The following LRRC7 variants were observed in gnomAD, a reference collection of about 807,000 sequenced individuals.
LRRC7 encodes leucine rich repeat containing 7.
A neutral mutation model predicts 175.7 loss-of-function variants in LRRC7; 23 were observed. The ratio of observed to expected loss-of-function variants is 0.13; its 90% CI spans 0.09 to 0.19. The LOEUF is 0.19. Ranked by LOEUF, LRRC7 falls within the 10% of genes least tolerant of loss-of-function variation. The pLI is 1.00. For missense variants in LRRC7, 1,354 were observed against 1,904.7 expected (o/e 0.71, Z 5.38); for synonymous variants, 685 against 680.9 (o/e 1.01, Z -0.09).
At chr1:69,861,695 G>A (rs543203967) in intron 7 of LRRC7, among the ~76,000 whole-genome samples, 1 of 152,308 alleles carries the variant, frequency 6.6e-6, no homozygotes, top group Non-Finnish European at 1.5e-5. Flanking sequence ...TGAAACAGCA[G>A]GATTCAGGTG....
At chr1:69,652,222 A>G (rs10889846) in intron 1 of LRRC7, among the ~76,000 whole-genome samples, 15,913 of 142,056 alleles carry the variant, frequency 0.11, 1,003 homozygotes, top group African/African-American at 0.19. Context: ...CTCTGTTCAC[A>G]GATGACATGA....
At chr1:69,892,821 A>C (rs1645875995) in intron 7 of LRRC7, among the ~76,000 whole-genome samples, 1 of 152,146 alleles carries the variant, frequency 6.6e-6, no homozygotes, top group Non-Finnish European at 1.5e-5. Flanking sequence ...AGTGGCAGAA[A>C]CCAGATTCAA....
intron 4 of LRRC7, among the ~76,000 whole-genome samples, chr1:69,817,021 A>T (rs1014886894): frequency 6.6e-6 from 1 of 152,088 alleles, no homozygotes; most frequent in Admixed American, 6.6e-5. Context: ...CATATATACT[A>T]TGTGCATATA....
rs755370262 is a variant in LRRC7 at position 69,994,680 on chromosome 1, C to G, written c.1004+47C>G. 6 of 1,289,560 alleles carry G rather than the reference C, an allele frequency of 4.7e-6. No individual in the cohort carries two copies. The South Asian group carries it at 6.0e-5, about 13-fold the overall frequency. 79.9% of individuals were successfully genotyped at this position (1,289,560 alleles called of 1,614,324 possible). ...CAGTCTGCCTCTCAAAAGCCAGAAA[C>G]TAAAGGATATATTGAGTTTTCTAAT... On this transcript the variant is annotated intron_variant, in intron 11 of 26. Coordinates refer to ENST00000651989, the MANE Select transcript of LRRC7 (RefSeq NM_001370785.2).
intron 4 of LRRC7, among the ~76,000 whole-genome samples, chr1:69,813,021 A>G (rs1678134330): frequency 1.3e-5 from 2 of 152,088 alleles, no homozygotes; most frequent in Non-Finnish European, 2.9e-5. Flanking sequence ...CAATTGATGA[A>G]TCCATAACCC....
chr1:69,571,031 G>A (rs1645719259), intron 1 of LRRC7, among the ~76,000 whole-genome samples: 1 of 152,092 alleles, frequency 6.6e-6, no homozygotes, highest in Admixed American at 6.6e-5. Flanking sequence ...GTTTTTAAAA[G>A]GTGGTTTATT....
intron 4 of LRRC7, among the ~76,000 whole-genome samples, chr1:69,809,811 C>T (rs1033813848): frequency 1.3e-5 from 2 of 151,552 alleles, no homozygotes; most frequent in Admixed American, 1.3e-4. Flanking sequence ...AACCCACAGC[C>T]ATTATACTGA....
chr1:69,573,976 G>A (rs1645841696), intron 1 of LRRC7, among the ~76,000 whole-genome samples: 2 of 152,052 alleles, frequency 1.3e-5, no homozygotes, highest in Non-Finnish European at 2.9e-5. Flanking sequence ...AGTTGTGCCA[G>A]GATATTTTTG....
intron 1 of LRRC7, among the ~76,000 whole-genome samples, chr1:69,610,855 G>A (rs916489982): frequency 6.6e-6 from 1 of 151,922 alleles, no homozygotes; most frequent in Non-Finnish European, 1.5e-5. Context: ...TCTGCAGACT[G>A]AGAATTACAT....
intron 7 of LRRC7, among the ~76,000 whole-genome samples, chr1:69,849,329 G>T (rs933058771): frequency 6.6e-5 from 10 of 151,830 alleles, no homozygotes; most frequent in Non-Finnish European, 1.5e-4. Flanking sequence ...GAATTATTTT[G>T]TATTTTAATT....
intron 4 of LRRC7, among the ~76,000 whole-genome samples, chr1:69,802,423 A>G (rs1676626747): frequency 6.6e-6 from 1 of 151,454 alleles, no homozygotes; most frequent in Non-Finnish European, 1.5e-5. Flanking sequence ...TATTTTTAGA[A>G]TTATTACATC....
At chr1:70,070,342 AT>A (rs898325123) in intron 23 of LRRC7, among the ~76,000 whole-genome samples, 13 of 152,018 alleles carry the variant, frequency 8.6e-5, no homozygotes, top group African/African-American at 2.9e-4. Flanking sequence ...CTAGTTTTTC[AT>A]TTGTTTCAAG....
intron 2 of LRRC7, among the ~76,000 whole-genome samples, chr1:69,709,876 T>C (rs1425495653): frequency 1.3e-5 from 2 of 152,178 alleles, no homozygotes; most frequent in African/African-American, 4.8e-5. Flanking sequence ...TTATTTCTTA[T>C]GATAATGGTA....
At chr1:69,807,898 A>G (rs895770454) in intron 4 of LRRC7, among the ~76,000 whole-genome samples, 9 of 152,066 alleles carry the variant, frequency 5.9e-5, no homozygotes, top group African/African-American at 2.2e-4. Context: ...ACGCTTTCCA[A>G]CTTGGCTCCA....
Position 69,881,344 on chromosome 1 carries a change from T to G in LRRC7, c.647+43061T>G, listed in dbSNP as rs190698279. On this transcript the variant is annotated intron_variant, in intron 7 of 26. Coordinates refer to ENST00000651989, the MANE Select transcript of LRRC7 (RefSeq NM_001370785.2). ...CTGTATCTATAAAAATATGAAACTA[T>G]TTCCAATATTATTCCTATCAAAATT... Among the ~76,000 whole-genome samples, 159 of 152,304 alleles carry G rather than the reference T, an allele frequency of 1.0e-3. 1 individual carries two copies. Among genetic ancestry groups the G allele is most frequent in the Non-Finnish European group, 6.8e-4 (46 of 68,022 alleles).
chr1:69,909,583 A>G (rs998006854), intron 7 of LRRC7, among the ~76,000 whole-genome samples: 1 of 152,134 alleles, frequency 6.6e-6, no homozygotes, highest in Non-Finnish European at 1.5e-5. Context: ...TTCTTTAAAC[A>G]TGTTTAATAT....
chr1:69,649,583 A>T (rs1391019888), intron 1 of LRRC7, among the ~76,000 whole-genome samples: 1 of 152,174 alleles, frequency 6.6e-6, no homozygotes, highest in Non-Finnish European at 1.5e-5. Flanking sequence ...TAGAGATTAG[A>T]AGTAATTTGG....
At chr1:69,698,523 T>A (rs150799915) in intron 2 of LRRC7, among the ~76,000 whole-genome samples, 81 of 152,292 alleles carry the variant, frequency 5.3e-4, no homozygotes, top group African/African-American at 1.7e-3. Flanking sequence ...CCCATCTAGA[T>A]CTCCTTTTAT....
At chr1:69,855,795 T>C (rs1246721633) in intron 7 of LRRC7, among the ~76,000 whole-genome samples, 3 of 152,218 alleles carry the variant, frequency 2.0e-5, no homozygotes, top group Non-Finnish European at 4.4e-5. Context: ...ACTTGCTTTA[T>C]GAATCTGGGT....
Sources: allele counts gnomAD v4.1 joint callset (sites outside exome capture counted in the v4.1 genomes callset), GRCh38; gene constraint gnomAD v4.1.1; transcripts MANE v1.5; gene names NCBI Gene and HGNC (gene_info 2026-07-23, HGNC 2026-07-21).